The following ZNF469 variants were observed in gnomAD, a reference collection of about 807,000 sequenced individuals.
The protein encoded by ZNF469 is zinc finger protein 469.
ZNF469 carries 1 observed loss-of-function variant against 1.0 expected under a neutral mutation model. The observed-to-expected ratio is 1.00, with a 90% CI of 0.35 to 4.73. ZNF469 has a LOEUF of 4.73. Among genes scored for constraint, ZNF469 ranks in the 30% most tolerant of loss-of-function variants. The probability of loss-of-function intolerance (pLI) is 0.16; values close to 1 mark genes in which losing one functional copy is unlikely to be tolerated. For synonymous variants in ZNF469, 2,703 were observed against 2,363.4 expected (o/e 1.14, Z -4.17); for missense variants, 6,100 against 5,356.3 (o/e 1.14, Z -4.33).
At chr16:88,319,928 G>A in the ZNF469 span, among the ~76,000 whole-genome samples, 78 of 152,344 alleles carry the variant, frequency 5.1e-4, no homozygotes, top group Middle Eastern at 3.4e-3. Flanking sequence ...GTGGGCTCCT[G>A]ACCCTCATGT....
chr16:88,250,770 G>C, the ZNF469 span, among the ~76,000 whole-genome samples: 19 of 152,140 alleles, frequency 1.2e-4, no homozygotes, highest in Non-Finnish European at 2.8e-4. Flanking sequence ...AAACTAGCAA[G>C]TTTTTAAAAT....
chr16:88,281,931 G>C, the ZNF469 span, among the ~76,000 whole-genome samples: 36 of 152,328 alleles, frequency 2.4e-4, no homozygotes, highest in African/African-American at 8.4e-4. Context: ...TGGTGCACGG[G>C]TCAGTGCATG....
At chr16:88,320,734 G>C in the ZNF469 span, among the ~76,000 whole-genome samples, 1 of 152,176 alleles carries the variant, frequency 6.6e-6, no homozygotes, top group Non-Finnish European at 1.5e-5. Context: ...GAACACGTCA[G>C]CTGGAGACCC....
chr16:88,133,632 A>C, the ZNF469 span, among the ~76,000 whole-genome samples: 3 of 151,832 alleles, frequency 2.0e-5, no homozygotes, highest in South Asian at 6.2e-4. Context: ...CAATAGATTA[A>C]TAAAATAAAT....
At chr16:88,200,193 G>C in the ZNF469 span, among the ~76,000 whole-genome samples, 3 of 152,288 alleles carry the variant, frequency 2.0e-5, 1 homozygote, top group South Asian at 4.1e-4. Flanking sequence ...CAGGCTTCAC[G>C]CAGAAGGCGG....
At chr16:88,260,354 G>A in the ZNF469 span, among the ~76,000 whole-genome samples, 1 of 152,204 alleles carries the variant, frequency 6.6e-6, no homozygotes, top group African/African-American at 2.4e-5. The surrounding 1 kb of genome is among the most constrained non-coding windows in gnomAD (Gnocchi z 4.1). Context: ...ACGACACGAT[G>A]TCAGGCTCAG....
chr16:88,295,749 T>C, the ZNF469 span, among the ~76,000 whole-genome samples: 1 of 152,288 alleles, frequency 6.6e-6, no homozygotes, highest in African/African-American at 2.4e-5. Context: ...TGCTTAGCAG[T>C]GCGAGGATGG....
At chr16:88,196,200 G>T in the ZNF469 span, among the ~76,000 whole-genome samples, 1 of 152,202 alleles carries the variant, frequency 6.6e-6, no homozygotes, top group Admixed American at 6.5e-5. Flanking sequence ...GCTCTTAGAA[G>T]TGGAGTACCT....
chr16:88,178,413 G>A, the ZNF469 span: 3 of 152,200 alleles, frequency 2.0e-5, no homozygotes, highest in Non-Finnish European at 2.9e-5. Context: ...GCACTCCGAC[G>A]TTCTGAGAAC....
chr16:88,434,983 C>A lies in ZNF469; in HGVS notation c.7513C>A (p.Pro2505Thr). The A allele has an allele frequency of 3.2e-6, 5 of 1,550,150 alleles. No individual in the cohort carries two copies. The highest frequency in any genetic ancestry group is 3.5e-6 in the Non-Finnish European group (4 of 1,146,924). ...HRPHPGAPAE[P>T]SPAALPAQQP... is the part of the protein sequence containing the mutation. ...GCCACACCCGGGAGCCCCCGCGGAG[C>A]CGAGCCCAGCGGCCTTGCCTGCTCA... The change falls in exon 3 of 3, where the codon CCG becomes ACG. Residue 2505 changes from proline (P) to threonine (T), a missense_variant. By Grantham distance (38) the Pro-to-Thr change is conservative. Transcript: ENST00000565624.
Position 88,427,815 on chromosome 16 carries a change from C to A in ZNF469, c.345C>A (p.Ser115Arg). 1 of 1,548,076 alleles carries A rather than the reference C, an allele frequency of 6.5e-7. No individual in the cohort carries two copies. The highest frequency in any genetic ancestry group is 8.7e-7 in the Non-Finnish European group (1 of 1,146,780). ...GGCTGGCGGGCAGGGCAGAGGGCAGCCCCCCACAGCGCTACATTCTGGGCA... is the reference window on the plus strand; with the variant it reads ...GGCTGGCGGGCAGGGCAGAGGGCAGACCCCCACAGCGCTACATTCTGGGCA... Reference protein sequence around the residue: ...PSRLAGRAEGSPPQRYILGIA... With the variant: ...PSRLAGRAEGRPPQRYILGIA... The change falls in exon 3 of 3, where the codon AGC becomes AGA. Residue 115 changes from serine (S) to arginine (R), a missense_variant. Coordinates refer to ENST00000565624, the MANE Select transcript of ZNF469 (RefSeq NM_001367624.2).
chr16:88,343,996 C>T, the ZNF469 span, among the ~76,000 whole-genome samples: 5 of 151,752 alleles, frequency 3.3e-5, no homozygotes, highest in South Asian at 2.1e-4. Context: ...GGATCCTGGA[C>T]GGGACATGAT....
chr16:88,152,643 AC>A, the ZNF469 span, among the ~76,000 whole-genome samples: 1 of 150,990 alleles, frequency 6.6e-6, no homozygotes, highest in African/African-American at 2.4e-5. The surrounding 1 kb of genome is among the most constrained non-coding windows in gnomAD (Gnocchi z 4.2). Context: ...ATTGGAAAAA[AC>A]CATTTGCCCC....
chr16:88,435,120 C>G lies in ZNF469; in HGVS notation c.7650C>G (p.Thr2550=), dbSNP rs1906478326. The G allele has an allele frequency of 6.5e-7, 1 of 1,550,254 alleles. No homozygotes were observed. The highest frequency in any genetic ancestry group is 1.4e-5 in the African/African-American group (1 of 73,048). Residue 2550 remains threonine, a synonymous_variant, in exon 3 of 3, where the codon ACC becomes ACG. Coordinates refer to ENST00000565624, the MANE Select transcript of ZNF469 (RefSeq NM_001367624.2). ...CACGGGGAGACCCCAGCCACGTCAC[C>G]CAGCCACCGCCTGCCCAGGGCTCAA... The part of the protein sequence containing the change: ...NHSRGDPSHV[T]QPPPAQGSKE...
At chr16:88,123,791 A>G in the ZNF469 span, among the ~76,000 whole-genome samples, 2 of 152,108 alleles carry the variant, frequency 1.3e-5, no homozygotes, top group Non-Finnish European at 1.5e-5. Flanking sequence ...TGAAGTGTCT[A>G]TTCAGATATT....
At chr16:88,224,737 G>A in the ZNF469 span, among the ~76,000 whole-genome samples, 2 of 151,958 alleles carry the variant, frequency 1.3e-5, no homozygotes, top group Admixed American at 6.5e-5. Context: ...GTGTAAGTAC[G>A]TACATATGTA....
chr16:88,230,376 G>A, the ZNF469 span, among the ~76,000 whole-genome samples: 1 of 152,224 alleles, frequency 6.6e-6, no homozygotes, highest in Admixed American at 6.5e-5. Context: ...GCAAGATTTG[G>A]GGGTGACCCC....
chr16:88,102,311 G>T, the ZNF469 span, among the ~76,000 whole-genome samples: 3 of 152,148 alleles, frequency 2.0e-5, no homozygotes, highest in Non-Finnish European at 4.4e-5. Flanking sequence ...GAGGTCAGAA[G>T]TTCGTAGAGC....
the ZNF469 span, among the ~76,000 whole-genome samples, chr16:88,287,625 T>C: frequency 6.6e-6 from 1 of 152,194 alleles, no homozygotes; most frequent in Non-Finnish European, 1.5e-5. Flanking sequence ...CCTTAAAACA[T>C]TGAACAGTTC....
Sources: gnomAD v4.1 joint callset for allele counts (sites outside exome capture counted in the v4.1 genomes callset) on GRCh38, gnomAD v4.1.1 for gene constraint, Gnocchi (gnomAD v3.1) non-coding constraint, MANE v1.5 for transcripts, NCBI Gene and HGNC (gene_info 2026-07-23, HGNC 2026-07-21) for gene names.